IKBKE: variants seen among roughly 807,000 people sequenced by gnomAD.
IKBKE encodes inhibitor of nuclear factor kappa B kinase subunit epsilon, also known as inhibitor of nuclear factor kappa-B kinase subunit epsilon.
A neutral mutation model predicts 92.1 loss-of-function variants in IKBKE; 45 were observed. The ratio of observed to expected loss-of-function variants is 0.49; its 90% CI spans 0.38 to 0.63. The LOEUF (loss-of-function observed/expected upper bound fraction) is 0.63. IKBKE is among the 20% of genes least tolerant of loss of function. IKBKE has a pLI of 0.00. For synonymous variants in IKBKE, 374 were observed against 380.3 expected, an observed-to-expected ratio of 0.98 and a Z score of 0.19; for missense variants, 700 against 932.8, an observed-to-expected ratio of 0.75 and a Z score of 3.25.
At position 206,480,504 on chromosome 1, in the gene IKBKE, C is replaced by T; in HGVS notation, c.1398C>T (p.Leu466=). The T allele has an allele frequency of 6.2e-7, 1 of 1,613,814 alleles. No homozygotes were observed. Among genetic ancestry groups the T allele is most frequent in the Non-Finnish European group, 8.5e-7 (1 of 1,179,846 alleles). The part of the protein sequence containing the change: ...RTLEVARTSL[L]YLSSSLGTER... The stretch of plus-strand genomic sequence containing the variant: ...TGGAAGTGGCAAGGACATCCCTCCT[C>T]TACCTCAGCAGCAGCCTGGGAACTG... Residue 466 remains leucine (L), a synonymous_variant, in exon 13 of 22, where the codon CTC becomes CTT. Transcript: ENST00000581977.
At chr1:206,471,981 C>T (rs1553383936) in intron 2 of IKBKE, among the ~76,000 whole-genome samples, 2 of 152,218 alleles carry the variant, frequency 1.3e-5, no homozygotes, top group Non-Finnish European at 2.9e-5. Flanking sequence ...CATGGTGGCT[C>T]ACACCTGTAA....
intron 17 of IKBKE, 189 bp downstream of exon 17, chr1:206,491,047 T>A: frequency 1.6e-6 from 1 of 630,016 alleles, no homozygotes; most frequent in South Asian, 1.8e-5. Flanking sequence ...GGGAGACTTC[T>A]CAGATGCAAT....
At position 206,479,056 on chromosome 1, in the gene IKBKE, A is replaced by T; in HGVS notation, c.1106A>T (p.His369Leu). ...CTCGAGCCCAGCGTCTCAGCACAGCACATCGCCCACACGACGGCAAGCAGC... is the reference window on the plus strand; with the variant it reads ...CTCGAGCCCAGCGTCTCAGCACAGCTCATCGCCCACACGACGGCAAGCAGC... ...CVLEPSVSAQHIAHTTASSPL... is the reference protein window; with the variant it reads ...CVLEPSVSAQLIAHTTASSPL... The change falls in exon 10 of 22, where the codon CAC (histidine) becomes CTC (leucine). Residue 369 changes from histidine (H) to leucine (L), a missense_variant. Transcript: ENST00000581977. 6.2e-7 allele frequency: 1 copy of T among 1,613,898 alleles called. No homozygotes were observed. The highest frequency in any genetic ancestry group is 1.1e-5 in the South Asian group (1 of 91,074).
chr1:206,496,088 G>C, intron 21 of IKBKE, 24 bp from the exon 22 acceptor site: 1 of 1,609,512 alleles, frequency 6.2e-7, no homozygotes. Context: ...GGTGGGCACT[G>C]CTAGCCTGTA....
chr1:206,477,288 T>C (rs952133891), intron 7 of IKBKE, among the ~76,000 whole-genome samples: 12 of 152,012 alleles, frequency 7.9e-5, no homozygotes, highest in African/African-American at 2.7e-4. Flanking sequence ...GCAGAGGAGA[T>C]GTCAGCTGGC....
In IKBKE at chr1:206,491,663, T is replaced by C. The variant is rs1369789533; in HGVS notation, c.1749T>C (p.His583=). 1 of 1,613,040 alleles carries C rather than the reference T, an allele frequency of 6.2e-7. No homozygotes were observed. Among genetic ancestry groups the C allele is most frequent in the Non-Finnish European group, 8.5e-7 (1 of 1,179,272 alleles). Residue 583 remains histidine (H), a synonymous_variant, in exon 18 of 22, where the codon CAT becomes CAC. Coordinates refer to ENST00000581977, the MANE Select transcript of IKBKE (RefSeq NM_014002.4). ...GTCGTTCTAGGGTGAATTTCAGTCA[T>C]TTAGCCAAAAGACTCCTGCAGGTGT... ...IHKLDKVNFS[H]LAKRLLQVFQ...
chr1:206,483,438 C>T (rs41299007), intron 13 of IKBKE, among the ~76,000 whole-genome samples: 78 of 152,294 alleles, frequency 5.1e-4, no homozygotes, highest in Middle Eastern at 3.4e-3. Flanking sequence ...CGTGCACTGA[C>T]GGACTACCAT....
chr1:206,493,230 C>G, intron 19 of IKBKE, 36 bp from the exon 20 acceptor site: 1 of 1,582,480 alleles, frequency 6.3e-7, no homozygotes, highest in Non-Finnish European at 8.7e-7. Context: ...CATAAGCTGG[C>G]TACTAATTGC....
intron 2 of IKBKE, among the ~76,000 whole-genome samples, chr1:206,472,500 G>T (rs1553384048): frequency 6.6e-6 from 1 of 151,884 alleles, no homozygotes; most frequent in East Asian, 1.9e-4. Context: ...GCTGAATGAT[G>T]AATTTTGCCT....
At chr1:206,475,179 G>A in intron 5 of IKBKE, 185 bp downstream of exon 5, 1 of 611,072 alleles carries the variant, frequency 1.6e-6, no homozygotes, top group Non-Finnish European at 2.7e-6. Flanking sequence ...CCAAAAGGTG[G>A]AAACATCCTA....
rs1665894587 is a variant in IKBKE, at chr1:206,490,566, T to C, written c.1694-253T>C. On this transcript the variant is annotated intron_variant, in intron 16 of 21. Coordinates refer to ENST00000581977, the MANE Select transcript of IKBKE (RefSeq NM_014002.4). This position sits in a 1 kb window ranked among gnomAD's most constrained non-coding sequence, Gnocchi z 5.2. Reference sequence around the variant, plus strand: ...ATCCCCCACGTCCCCACCCCGGCCCTGCACTGCAGGCTGCCTTCCCCTGGG... The same window carrying C: ...ATCCCCCACGTCCCCACCCCGGCCCCGCACTGCAGGCTGCCTTCCCCTGGG... Among the ~76,000 whole-genome samples, 2 of 152,124 alleles carry C rather than the reference T, an allele frequency of 1.3e-5. No individual in the cohort carries two copies. The highest frequency in any genetic ancestry group is 2.1e-4 in the South Asian group (1 of 4,832).
rs1665067340 is a variant in IKBKE, at chr1:206,476,426, C to A, written c.540+64C>A. 17 of 1,515,524 alleles carry A rather than the reference C, an allele frequency of 1.1e-5. No individual in the cohort carries two copies. In the South Asian group the frequency reaches 1.4e-4, roughly 12 times the overall value. The allele number at this position is 1,515,524 out of a possible 1,614,324, so 93.9% of individuals were successfully genotyped here. ...GGCTCCCCTTGCCTTGTGAGCCCCC[C>A]AGAGCCCCCATGAGGGGGTGTGGCC... On this transcript the variant is annotated intron_variant, in intron 6 of 21. Transcript: ENST00000581977. The surrounding 1 kb of genome is among the most constrained non-coding windows in gnomAD (Gnocchi z 5.1).
At chr1:206,489,169 A>G (rs1665806479) in intron 16 of IKBKE, among the ~76,000 whole-genome samples, 1 of 150,980 alleles carries the variant, frequency 6.6e-6, no homozygotes, top group Non-Finnish European at 1.5e-5. Context: ...GCTCCTGACT[A>G]GCTGGGACTA....
intron 3 of IKBKE, among the ~76,000 whole-genome samples, chr1:206,473,643 G>T (rs888395837): frequency 3.3e-5 from 5 of 152,220 alleles, no homozygotes; most frequent in Non-Finnish European, 5.9e-5. Context: ...GAGAATGTAT[G>T]AGATGATATC....
At chr1:206,489,596 G>A (rs1665846763) in intron 16 of IKBKE, among the ~76,000 whole-genome samples, 1 of 152,006 alleles carries the variant, frequency 6.6e-6, no homozygotes. Context: ...TAACTACTTG[G>A]GAGGCTGAGG....
intron 13 of IKBKE, among the ~76,000 whole-genome samples, chr1:206,483,963 T>C (rs1553387879): frequency 1.3e-5 from 2 of 151,806 alleles, no homozygotes; most frequent in African/African-American, 4.9e-5. Flanking sequence ...TTATTTCTTT[T>C]CTTTTTTTTC....
chr1:206,471,400 G>T (rs564364321), intron 2 of IKBKE, among the ~76,000 whole-genome samples, 155 bp downstream of exon 2: 93 of 152,264 alleles, frequency 6.1e-4, no homozygotes, highest in African/African-American at 2.2e-3. Flanking sequence ...TTGGGGTGGT[G>T]GGGGGAGGAT....
rs151049025 is a variant in IKBKE, at chr1:206,479,108, C to G, written c.1158C>G (p.Ile386Met). ...SSPLTLFSTA[I>M]PKGLAFRDPA... is the part of the protein sequence containing the mutation. ...CCCTGACCCTCTTCAGCACAGCCAT[C>G]CCTAAGGGGCTGGCCTTCAGGGACC... Residue 386 changes from isoleucine (I) to methionine (M), a missense_variant, in exon 10 of 22, where the codon ATC becomes ATG. Ile to Met is a conservative substitution (Grantham distance 10). Coordinates refer to ENST00000581977, the MANE Select transcript of IKBKE (RefSeq NM_014002.4). 1.5e-5 allele frequency: 24 copies of G among 1,609,120 alleles called. No individual in the cohort carries two copies. The highest frequency in any genetic ancestry group is 1.9e-5 in the Non-Finnish European group (22 of 1,177,692).
chr1:206,474,948 C>T lies in IKBKE; in HGVS notation c.312C>T (p.Ala104=). ...LLSVLESPEN[A]FGLPEDEFLV... is the part of the protein sequence containing the mutation. ...GTGTGCTGGAGAGCCCTGAGAATGCCTTTGGGCTGCCTGAGGATGAGTTCC... is the reference window on the plus strand; with the variant it reads ...GTGTGCTGGAGAGCCCTGAGAATGCTTTTGGGCTGCCTGAGGATGAGTTCC... Residue 104 remains alanine, a synonymous_variant, in exon 5 of 22, where the codon GCC becomes GCT. Transcript: ENST00000581977. 1 of 1,614,110 alleles carries T rather than the reference C, an allele frequency of 6.2e-7. No individual in the cohort carries two copies. The highest frequency in any genetic ancestry group is 1.7e-4 in the Middle Eastern group (1 of 6,046).
Sources: gnomAD v4.1 joint callset for allele counts (sites outside exome capture counted in the v4.1 genomes callset) on GRCh38, gnomAD v4.1.1 for gene constraint, Gnocchi (gnomAD v3.1) non-coding constraint, MANE v1.5 for transcripts, NCBI Gene and HGNC (gene_info 2026-07-23, HGNC 2026-07-21) for gene names.